Variants in PDE9A observed in about 807,000 individuals in gnomAD.
PDE9A encodes high affinity cGMP-specific 3',5'-cyclic phosphodiesterase 9A.
Under a neutral mutation model 87.4 loss-of-function variants are expected in PDE9A, and 60 were observed. The ratio of observed to expected loss-of-function variants is 0.69; its 90% CI spans 0.56 to 0.85. The LOEUF is 0.85. Ranked by LOEUF, PDE9A falls within the 40% of genes least tolerant of loss-of-function variation. The pLI is 0.00. For missense variants in PDE9A, 665 were observed against 779.0 expected (o/e 0.85, Z 1.74); for synonymous variants, 272 against 279.4 (o/e 0.97, Z 0.27).
At chr21:42,771,678 G>T (rs2057036751) in intron 18 of PDE9A, among the ~76,000 whole-genome samples, 1 of 152,226 alleles carries the variant, frequency 6.6e-6, no homozygotes, top group Non-Finnish European at 1.5e-5. Flanking sequence ...GCCCTTTTGA[G>T]CACTGAGCCA....
chr21:42,688,338 A>G (rs2059591149), intron 3 of PDE9A, among the ~76,000 whole-genome samples: 1 of 152,098 alleles, frequency 6.6e-6, no homozygotes, highest in Non-Finnish European at 1.5e-5. Context: ...GGACCTCGGG[A>G]GATTCCCTAC....
In PDE9A at chr21:42,739,288, G is replaced by GC. The variant is rs2052838111; in HGVS notation, c.569-4482dup. On this transcript the variant is annotated intron_variant, in intron 7 of 19. Transcript: ENST00000291539. The surrounding 1 kb of genome is among the most constrained non-coding windows in gnomAD (Gnocchi z 4.1). ...TGTCTGCAGACCTCTCAGGCTTGAG[G>GC]CCCCCCGCCCCACAGGACTGGCCCG... 6.6e-6 allele frequency among the ~76,000 whole-genome samples: 1 copy of GC among 152,190 alleles called. No homozygotes were observed. The highest frequency in any genetic ancestry group is 1.5e-5 in the Non-Finnish European group (1 of 68,020).
intron 2 of PDE9A, among the ~76,000 whole-genome samples, chr21:42,687,562 C>T (rs1871169727): frequency 6.6e-6 from 1 of 151,966 alleles, no homozygotes; most frequent in Admixed American, 6.6e-5. Context: ...GCACTGGAAG[C>T]GGAAAGACAA....
chr21:42,696,739 C>A lies in PDE9A; in HGVS notation c.219-2229C>A, dbSNP rs1307438333. 6.6e-6 allele frequency among the ~76,000 whole-genome samples: 1 copy of A among 152,216 alleles called. No homozygotes were observed. Among genetic ancestry groups the A allele is most frequent in the Non-Finnish European group, 1.5e-5 (1 of 68,032 alleles). On this transcript the variant is annotated intron_variant, in intron 3 of 19. Coordinates refer to ENST00000291539, the MANE Select transcript of PDE9A (RefSeq NM_002606.3). This position sits in a 1 kb window ranked among gnomAD's most constrained non-coding sequence, Gnocchi z 5.1. ...CACACTGAGGCCATCAGCAAAGCAC[C>A]TGGCCTCTTCACGCCTTGGGCTCTG...
Position 42,723,826 on chromosome 21 carries a change from C to G in PDE9A, c.263-7944C>G, listed in dbSNP as rs2050765680. On this transcript the variant is annotated intron_variant, in intron 4 of 19. Coordinates refer to ENST00000291539, the MANE Select transcript of PDE9A (RefSeq NM_002606.3). The surrounding 1 kb of genome is among the most constrained non-coding windows in gnomAD (Gnocchi z 4.3). Reference sequence around the variant, plus strand: ...GGGACCCTAAAGACCCTGTCATGTCCCCCTGTGAATTACCAGCATCCCAGG... The same window carrying G: ...GGGACCCTAAAGACCCTGTCATGTCGCCCTGTGAATTACCAGCATCCCAGG... Among the ~76,000 whole-genome samples the G allele has an allele frequency of 6.6e-6, 1 of 152,170 alleles. No homozygotes were observed. The highest frequency in any genetic ancestry group is 2.4e-5 in the African/African-American group (1 of 41,442).
chr21:42,726,508 T>G (rs2051052597), intron 4 of PDE9A, among the ~76,000 whole-genome samples: 1 of 149,642 alleles, frequency 6.7e-6, no homozygotes, highest in Admixed American at 6.7e-5. Context: ...AGGCTCTTTT[T>G]CTTGTTGGCC....
intron 4 of PDE9A, among the ~76,000 whole-genome samples, chr21:42,721,068 G>A (rs1019368331): frequency 3.3e-5 from 5 of 151,818 alleles, no homozygotes; most frequent in African/African-American, 1.2e-4. Context: ...CCAGAGCATA[G>A]TAACAGCTCC....
At chr21:42,740,661 T>G (rs9977876) in intron 7 of PDE9A, among the ~76,000 whole-genome samples, 150,335 of 150,560 alleles carry the variant, frequency 1, 75,055 homozygotes, top group Middle Eastern at 1. Flanking sequence ...ATAGATAGTA[T>G]ATAAATGGAT....
At position 42,660,084 on chromosome 21, in the gene PDE9A, G is replaced by A. The variant is rs866058918; in HGVS notation, c.69+6201G>A. 7.2e-5 allele frequency among the ~76,000 whole-genome samples: 11 copies of A among 152,304 alleles called. No homozygotes were observed. Among genetic ancestry groups the A allele is most frequent in the South Asian group, 2.1e-4 (1 of 4,826 alleles). On this transcript the variant is annotated intron_variant, in intron 1 of 19. Coordinates refer to ENST00000291539, the MANE Select transcript of PDE9A (RefSeq NM_002606.3). This position sits in a 1 kb window ranked among gnomAD's most constrained non-coding sequence, Gnocchi z 4.7. Reference sequence around the variant, plus strand: ...GGCCCGGTAGCCCAGTCCTGGGCTTGCTTCCCAGGGGGTGGTGGGCAACCC... The same window carrying A: ...GGCCCGGTAGCCCAGTCCTGGGCTTACTTCCCAGGGGGTGGTGGGCAACCC...
chr21:42,686,110 C>G, intron 1 of PDE9A, 82 bp from the exon 2 acceptor site: 2 of 985,140 alleles, frequency 2.0e-6, no homozygotes, highest in Non-Finnish European at 3.3e-6. Context: ...AGTTTGGAGC[C>G]GAAGCGGAAG....
intron 1 of PDE9A, among the ~76,000 whole-genome samples, chr21:42,664,443 C>A (rs2057821708): frequency 6.6e-6 from 1 of 152,178 alleles, no homozygotes; most frequent in Non-Finnish European, 1.5e-5. Context: ...GGCAGGAGGC[C>A]AGCGAGGGGT....
intron 3 of PDE9A, among the ~76,000 whole-genome samples, chr21:42,698,474 A>G (rs1328500624): frequency 6.6e-6 from 1 of 152,066 alleles, no homozygotes; most frequent in Non-Finnish European, 1.5e-5. Context: ...TTCTCTCCCC[A>G]TCACGCTGGG....
At chr21:42,698,005 A>G (rs2060234476) in intron 3 of PDE9A, among the ~76,000 whole-genome samples, 1 of 152,230 alleles carries the variant, frequency 6.6e-6, no homozygotes, top group African/African-American at 2.4e-5. Flanking sequence ...GTGGGCACTC[A>G]GGAAGAAATG....
chr21:42,752,980 T>C (rs980805195), intron 9 of PDE9A, among the ~76,000 whole-genome samples: 3 of 151,848 alleles, frequency 2.0e-5, no homozygotes, highest in African/African-American at 7.3e-5. Context: ...AAGTGAATTT[T>C]ACCCCCACAC....
At chr21:42,726,624 A>ATATATATATATTTTTTTTTTTT in intron 4 of PDE9A, among the ~76,000 whole-genome samples, 5 of 19,780 alleles carry the variant, frequency 2.5e-4, no homozygotes, top group African/African-American at 1.4e-3. Flanking sequence ...ATATATATAT[A>ATATATATATATTTTTTTTTTTT]TTTTTTTTTT....
At chr21:42,711,750 T>C (rs1320781380) in intron 4 of PDE9A, among the ~76,000 whole-genome samples, 1 of 152,242 alleles carries the variant, frequency 6.6e-6, no homozygotes, top group Non-Finnish European at 1.5e-5. Flanking sequence ...TGTTGTGAAG[T>C]AGAGACTGCC....
intron 1 of PDE9A, among the ~76,000 whole-genome samples, chr21:42,670,621 TCACA>T (rs143403517): frequency 2.0e-5 from 3 of 150,740 alleles, no homozygotes; most frequent in African/African-American, 7.3e-5. Context: ...ACTATCACAT[TCACA>T]CACACATACA....
chr21:42,748,973 A>G (rs2054160484), intron 8 of PDE9A, among the ~76,000 whole-genome samples: 1 of 152,072 alleles, frequency 6.6e-6, no homozygotes, highest in Non-Finnish European at 1.5e-5. Context: ...TGATCCTCCT[A>G]ATGGCATAAT....
At chr21:42,657,969 C>G (rs1017690673) in intron 1 of PDE9A, among the ~76,000 whole-genome samples, 46 of 152,236 alleles carry the variant, frequency 3.0e-4, no homozygotes, top group African/African-American at 1.1e-3. Context: ...GCGCACAGCC[C>G]AAAGGGAGGA....
Sources: gnomAD v4.1 joint callset for allele counts (sites outside exome capture counted in the v4.1 genomes callset) on GRCh38, gnomAD v4.1.1 for gene constraint, Gnocchi (gnomAD v3.1) non-coding constraint, MANE v1.5 for transcripts, NCBI Gene and HGNC (gene_info 2026-07-23, HGNC 2026-07-21) for gene names.